The following APBB1 variants were observed in gnomAD, a reference collection of about 807,000 sequenced individuals.
APBB1 encodes the protein amyloid beta precursor protein binding family B member 1.
In APBB1, 22 loss-of-function variants were observed where a neutral mutation model predicts 78.4. The observed-to-expected ratio is 0.28, with a 90% CI of 0.20 to 0.40. The LOEUF is 0.40. Ranked by LOEUF, APBB1 falls within the 10% of genes least tolerant of loss-of-function variation. The pLI, the probability that APBB1 is intolerant of heterozygous loss-of-function variation, is 1.00. For missense variants in APBB1, 749 were observed against 932.4 expected (o/e 0.80, Z 2.56); for synonymous variants, 369 against 372.7 (o/e 0.99, Z 0.12).
At chr11:6,398,995 C>T (rs966754963) in intron 12 of APBB1, among the ~76,000 whole-genome samples, 3 of 152,098 alleles carry the variant, frequency 2.0e-5, no homozygotes, top group Admixed American at 2.0e-4. Flanking sequence ...TGAGTTCTTC[C>T]TGTGTGTCTT....
At chr11:6,404,018 AGGTCTCCT>A in intron 2 of APBB1, 196 bp from the exon 3 acceptor site, 1 of 521,632 alleles carries the variant, frequency 1.9e-6, no homozygotes, top group Non-Finnish European at 3.2e-6. Flanking sequence ...GACATGGCTC[AGGTCTCCT>A]CCTGGGCCCT....
rs142517221 is a variant in APBB1 at position 6,410,886 on chromosome 11, G to A, written c.462C>T (p.Ala154=). The change falls in exon 2 of 15, where the codon GCC becomes GCT. Residue 154 remains alanine, a synonymous_variant. Transcript: ENST00000609360. ...QGPDEGEEKA[A]GEAEEEEEDD... is the part of the protein sequence containing the mutation. ...CCTCCTCCTCCTCCTCGGCCTCCCC[G>A]GCCGCCTTCTCCTCTCCCTCATCTG... 184 of 1,613,854 alleles carry A rather than the reference G, an allele frequency of 1.1e-4. 1 individual carries two copies. Among genetic ancestry groups the A allele is most frequent in the African/African-American group, 7.2e-4 (54 of 75,018 alleles).
Position 6,403,018 on chromosome 11 carries a change from G to A in APBB1, c.1104+127C>T. On this transcript the variant is annotated intron_variant, in intron 6 of 14. Coordinates refer to ENST00000609360, the MANE Select transcript of APBB1 (RefSeq NM_001164.5). This position sits in a 1 kb window ranked among gnomAD's most constrained non-coding sequence, Gnocchi z 5.3. Reference sequence around the variant, plus strand: ...CAGCTCAGACACAGGGCTCTGTGCTGAGACTGGAAGAACTCCTAACTCAGG... The same window carrying A: ...CAGCTCAGACACAGGGCTCTGTGCTAAGACTGGAAGAACTCCTAACTCAGG... 2 of 961,966 alleles carry A rather than the reference G, an allele frequency of 2.1e-6. No individual in the cohort carries two copies. The highest frequency in any genetic ancestry group is 3.1e-6 in the Non-Finnish European group (2 of 638,342). 59.6% of individuals were successfully genotyped at this position (961,966 alleles called of 1,614,324 possible). A position where few individuals can be genotyped will look rare whatever the true frequency, so the allele number is the denominator to read the frequency against.
chr11:6,403,351 C>T lies in APBB1; in HGVS notation c.1008G>A (p.Glu336=). ...PMELGLKEPE[E]GTLTFPAQSL... ...TCTGAGCTGGGAAGGTCAACGTCCCCTCCTCAGGTTCCTTCAGTCCCAGCT... is the reference window on the plus strand; with the variant it reads ...TCTGAGCTGGGAAGGTCAACGTCCCTTCCTCAGGTTCCTTCAGTCCCAGCT... The change falls in exon 5 of 15, where the codon GAG becomes GAA. Residue 336 remains glutamate, a synonymous_variant. Coordinates refer to ENST00000609360, the MANE Select transcript of APBB1 (RefSeq NM_001164.5). This position sits in a 1 kb window ranked among gnomAD's most constrained non-coding sequence, Gnocchi z 5.3. The T allele has an allele frequency of 3.1e-6, 5 of 1,614,180 alleles. No homozygotes were observed. Among genetic ancestry groups the T allele is most frequent in the Non-Finnish European group, 2.5e-6 (3 of 1,180,012 alleles).
At chr11:6,413,372 T>C (rs189889618) in intron 1 of APBB1, among the ~76,000 whole-genome samples, 117 of 152,354 alleles carry the variant, frequency 7.7e-4, no homozygotes, top group Non-Finnish European at 1.2e-3. Context: ...ATGTCTTATC[T>C]GAGAGTTCCC....
chr11:6,417,855 A>C (rs1849160939), intron 1 of APBB1, among the ~76,000 whole-genome samples: 1 of 152,258 alleles, frequency 6.6e-6, no homozygotes, highest in Non-Finnish European at 1.5e-5. Context: ...CAGATTTGGA[A>C]GTGGGGTACA....
At position 6,401,417 on chromosome 11, in the gene APBB1, G is replaced by C. The variant is rs757918798; in HGVS notation, c.1516C>G (p.Arg506Gly). ...TTTACCAAGCAGCGGGCATTACGCC[G>C]TTCGGCCATGATCTGAGGAAGGAAG... ...HEICSKIMAE[R>G]RNARCLVNGL... The change falls in exon 11 of 15, where the codon CGG (arginine) becomes GGG (glycine). Residue 506 changes from arginine (R) to glycine (G), a missense_variant. Physicochemically the swap from Arg to Gly is moderately radical, Grantham distance 125. Coordinates refer to ENST00000609360, the MANE Select transcript of APBB1 (RefSeq NM_001164.5). The surrounding 1 kb of genome is among the most constrained non-coding windows in gnomAD (Gnocchi z 4.5). 2.5e-6 allele frequency: 4 copies of C among 1,614,012 alleles called. No homozygotes were observed. Among genetic ancestry groups the C allele is most frequent in the Non-Finnish European group, 3.4e-6 (4 of 1,179,948 alleles).
intron 2 of APBB1, chr11:6,405,296 G>A (rs1271698558): frequency 1.0e-6 from 1 of 990,314 alleles, no homozygotes; most frequent in Non-Finnish European, 1.2e-6. Context: ...CTGCACAGCA[G>A]TTTGAACCCA....
At position 6,401,586 on chromosome 11, in the gene APBB1, C is replaced by T. The variant is rs765905403; in HGVS notation, c.1491G>A (p.Glu497=). 7.4e-6 allele frequency: 12 copies of T among 1,614,184 alleles called. No individual in the cohort carries two copies. The highest frequency in any genetic ancestry group is 1.6e-4 in the Middle Eastern group (1 of 6,062). ...GAGGGGGCCGTGCCTTAGAGCAGAT[C>T]TCATGCAGGCTGGTGGCGATGTTCT... ...PAKNIATSLH[E]ICSKIMAERR... Residue 497 remains glutamate (E), a synonymous_variant, in exon 10 of 15, where the codon GAG becomes GAA. Coordinates refer to ENST00000609360, the MANE Select transcript of APBB1 (RefSeq NM_001164.5). The surrounding 1 kb of genome is among the most constrained non-coding windows in gnomAD (Gnocchi z 4.5).
chr11:6,406,306 T>G (rs570838525), intron 2 of APBB1, among the ~76,000 whole-genome samples: 1 of 152,350 alleles, frequency 6.6e-6, no homozygotes. Context: ...TGAAGCCAGG[T>G]GTACTCACTT....
Position 6,395,548 on chromosome 11 carries a change from C to A in APBB1, c.2119G>T (p.Ala707Ser). 1.9e-6 allele frequency: 3 copies of A among 1,565,432 alleles called. No individual in the cohort carries two copies. The highest frequency in any genetic ancestry group is 1.4e-5 in the African/African-American group (1 of 73,392). The change falls in exon 15 of 15, where the codon GCC becomes TCC. Residue 707 changes from alanine (A) to serine (S), a missense_variant. Ala to Ser is a moderately conservative substitution (Grantham distance 99). Around this residue, in one of 3 missense-constraint regions of APBB1, gnomAD observed 96 missense variants for 116.0 expected, o/e 0.83. Coordinates refer to ENST00000609360, the MANE Select transcript of APBB1 (RefSeq NM_001164.5). This position sits in a 1 kb window ranked among gnomAD's most constrained non-coding sequence, Gnocchi z 5.2. ...TGGGGGCTTCTTCATGGGGTATGGG[C>A]CCCCAGCCGTTTGGGCTTCAGGGAG... ...WGSLKPKRLG[A>S]HTP is the part of the protein sequence containing the mutation.
intron 12 of APBB1, among the ~76,000 whole-genome samples, chr11:6,398,010 G>A (rs1375070563): frequency 6.6e-6 from 1 of 152,226 alleles, no homozygotes; most frequent in Non-Finnish European, 1.5e-5. Context: ...GTGTGAAAGG[G>A]ACATCATAGT....
At chr11:6,404,462 G>T in intron 2 of APBB1, 2 of 964,770 alleles carry the variant, frequency 2.1e-6, no homozygotes, top group Non-Finnish European at 3.1e-6. Context: ...CACACGTGTG[G>T]GTACCACACA....
chr11:6,396,168 T>A lies in APBB1; in HGVS notation c.1720A>T (p.Ser574Cys), dbSNP rs746363885. The A allele has an allele frequency of 6.4e-7, 1 of 1,551,988 alleles. No individual in the cohort carries two copies. Among genetic ancestry groups the A allele is most frequent in the African/African-American group, 1.4e-5 (1 of 73,126 alleles). Reference protein sequence around the residue: ...GALESVLSSSSREQWTPSHVS... With the variant: ...GALESVLSSSCREQWTPSHVS... ...TGACTTGGGGTCCATTGTTCACGGCTGCTGGAGGACAGGACTGACTCGAGG... is the reference window on the plus strand; with the variant it reads ...TGACTTGGGGTCCATTGTTCACGGCAGCTGGAGGACAGGACTGACTCGAGG... Residue 574 changes from serine to cysteine, a missense_variant, in exon 13 of 15, where the codon AGC (serine) becomes TGC (cysteine). Around this residue, in one of 3 missense-constraint regions of APBB1, gnomAD observed 635 missense variants for 765.0 expected, o/e 0.83. Coordinates refer to ENST00000609360, the MANE Select transcript of APBB1 (RefSeq NM_001164.5).
At chr11:6,402,233 C>T (rs1848561171) in intron 7 of APBB1, 24 bp from the exon 8 acceptor site, 2 of 1,611,074 alleles carry the variant, frequency 1.2e-6, no homozygotes, top group African/African-American at 1.3e-5. Context: ...AGCAGGCACT[C>T]AGTGGGACTC....
At chr11:6,407,199 C>T (rs1202604526) in intron 2 of APBB1, among the ~76,000 whole-genome samples, 1 of 152,184 alleles carries the variant, frequency 6.6e-6, no homozygotes, top group African/African-American at 2.4e-5. Context: ...TGACTTGGCC[C>T]CTTTCCTGGG....
chr11:6,413,168 C>T (rs985710722), intron 1 of APBB1, among the ~76,000 whole-genome samples: 1 of 152,114 alleles, frequency 6.6e-6, no homozygotes, highest in Non-Finnish European at 1.5e-5. Context: ...CCACTTCTCT[C>T]TCATCCTGAG....
In APBB1 at chr11:6,403,448, C is replaced by T. The variant is rs546256041; in HGVS notation, c.954+40G>A. The T allele has an allele frequency of 1.2e-6, 2 of 1,614,134 alleles. No homozygotes were observed. Among genetic ancestry groups the T allele is most frequent in the Non-Finnish European group, 1.7e-6 (2 of 1,179,966 alleles). On this transcript the variant is annotated intron_variant, in intron 4 of 14. Transcript: ENST00000609360. The surrounding 1 kb of genome is among the most constrained non-coding windows in gnomAD (Gnocchi z 5.3). Reference sequence around the variant, plus strand: ...GAATCAGTATCAAAATGATGCCCCTCCTCCAGCTATCCCGTGGTAAAGCAG... The same window carrying T: ...GAATCAGTATCAAAATGATGCCCCTTCTCCAGCTATCCCGTGGTAAAGCAG...
rs1418462373 is a variant in APBB1 at position 6,403,118 on chromosome 11, C to G, written c.1104+27G>C. On this transcript the variant is annotated intron_variant, in intron 6 of 14. Coordinates refer to ENST00000609360, the MANE Select transcript of APBB1 (RefSeq NM_001164.5). The surrounding 1 kb of genome is among the most constrained non-coding windows in gnomAD (Gnocchi z 5.3). ...CTGACAAATAAGAGGGCCCCAGACT[C>G]AGAATGGGTGTCAGTCTTGAACAAA... 5.7e-6 allele frequency: 9 copies of G among 1,589,012 alleles called. No homozygotes were observed. Among genetic ancestry groups the G allele is most frequent in the Non-Finnish European group, 6.8e-6 (8 of 1,168,606 alleles).
Sources: gnomAD v4.1 joint callset for allele counts (sites outside exome capture counted in the v4.1 genomes callset) on GRCh38, gnomAD v4.1.1 for gene constraint, gnomAD v4.1.1 regional missense constraint, Gnocchi (gnomAD v3.1) non-coding constraint, MANE v1.5 for transcripts, NCBI Gene and HGNC (gene_info 2026-07-23, HGNC 2026-07-21) for gene names.